SLCO1B1: variants seen among roughly 807,000 people sequenced by gnomAD.
The protein encoded by SLCO1B1 is OATP-2.
In SLCO1B1, 81 loss-of-function variants were observed where a neutral mutation model predicts 70.1. The observed-to-expected ratio is 1.16, with a 90% CI of 0.97 to 1.39. The LOEUF is 1.39. Among genes scored for constraint, SLCO1B1 ranks in the 40% most tolerant of loss-of-function variants. The pLI is 0.00. For synonymous variants in SLCO1B1, 283 were observed against 271.5 expected (o/e 1.04, Z -0.42); for missense variants, 895 against 799.6 (o/e 1.12, Z -1.44).
chr12:21,226,178 G>A (rs1941480498), intron 14 of SLCO1B1, among the ~76,000 whole-genome samples: 1 of 152,090 alleles, frequency 6.6e-6, no homozygotes, highest in Non-Finnish European at 1.5e-5. Flanking sequence ...ACTTTGGGAG[G>A]CCAAGGTGGG....
chr12:21,149,302 G>A (rs113092518), intron 2 of SLCO1B1, among the ~76,000 whole-genome samples: 2,034 of 152,140 alleles, frequency 0.013, 21 homozygotes, highest in Non-Finnish European at 0.022. Flanking sequence ...GTCTTGTGCC[G>A]GTTTTCAAAG....
intron 11 of SLCO1B1, among the ~76,000 whole-genome samples, chr12:21,214,761 C>T (rs1200468392): frequency 6.6e-6 from 1 of 152,200 alleles, no homozygotes; most frequent in African/African-American, 2.4e-5. Flanking sequence ...GATGTAATCT[C>T]GTGGTGCGCC....
chr12:21,198,274 G>C (rs992866735), intron 8 of SLCO1B1, among the ~76,000 whole-genome samples: 3 of 152,052 alleles, frequency 2.0e-5, no homozygotes, highest in African/African-American at 7.2e-5. Context: ...CATGGCAAGA[G>C]AATTACCATG....
intron 7 of SLCO1B1, among the ~76,000 whole-genome samples, chr12:21,187,776 A>G (rs554523900): frequency 5.4e-4 from 82 of 152,336 alleles, no homozygotes; most frequent in African/African-American, 1.9e-3. Flanking sequence ...TGGCCAATCA[A>G]GAAAATTATG....
intron 1 of SLCO1B1, among the ~76,000 whole-genome samples, chr12:21,136,760 T>G (rs895395006): frequency 3.9e-5 from 6 of 152,180 alleles, no homozygotes; most frequent in Non-Finnish European, 8.8e-5. Flanking sequence ...TTTTAACTTC[T>G]TTGCCATTGG....
rs780720686 is a variant in SLCO1B1, at chr12:21,200,592, A to G, written c.1055A>G (p.Tyr352Cys). The G allele has an allele frequency of 5.0e-6, 8 of 1,612,004 alleles. No individual in the cohort carries two copies. The highest frequency in any genetic ancestry group is 3.3e-4 in the Middle Eastern group (2 of 6,042). Residue 352 changes from tyrosine (Y) to cysteine (C), a missense_variant, in exon 9 of 15, where the codon TAT (tyrosine) becomes TGT (cysteine). By Grantham distance (194) the Tyr-to-Cys change is radical. Transcript: ENST00000256958. ...VLLTLLQVSS[Y>C]IGAFTYVFKY... The stretch of plus-strand genomic sequence containing the variant: ...TTGACGTTGTTACAAGTAAGCAGCT[A>G]TATTGGTGCTTTTACTTATGTCTTC...
At chr12:21,132,018 G>A (rs1940143125) in intron 1 of SLCO1B1, among the ~76,000 whole-genome samples, 1 of 152,156 alleles carries the variant, frequency 6.6e-6, no homozygotes, top group African/African-American at 2.4e-5. Flanking sequence ...CCCGGTGTGT[G>A]ATGTTCCCTT....
intron 7 of SLCO1B1, among the ~76,000 whole-genome samples, chr12:21,179,476 C>A (rs1291318298): frequency 6.6e-6 from 1 of 152,072 alleles, no homozygotes; most frequent in African/African-American, 2.4e-5. Flanking sequence ...CTGGTCCTAG[C>A]AGAGGGCTTG....
chr12:21,149,490 C>T (rs1025901394), intron 2 of SLCO1B1, among the ~76,000 whole-genome samples: 1 of 152,152 alleles, frequency 6.6e-6, no homozygotes, highest in Non-Finnish European at 1.5e-5. Context: ...TCTGCATTTC[C>T]AACTGAGGTA....
chr12:21,138,667 C>T (rs371466098), intron 1 of SLCO1B1, among the ~76,000 whole-genome samples: 23 of 152,114 alleles, frequency 1.5e-4, no homozygotes, highest in African/African-American at 5.5e-4. Context: ...AAAGTAATGA[C>T]TTCAGGTATA....
At chr12:21,217,831 A>G (rs927426524) in intron 12 of SLCO1B1, among the ~76,000 whole-genome samples, 4 of 152,190 alleles carry the variant, frequency 2.6e-5, no homozygotes, top group African/African-American at 9.6e-5. Flanking sequence ...GCTCATTAGA[A>G]AAGATACAAT....
At chr12:21,201,937 T>C (rs1427672002) in intron 9 of SLCO1B1, among the ~76,000 whole-genome samples, 3 of 152,150 alleles carry the variant, frequency 2.0e-5, no homozygotes, top group Non-Finnish European at 4.4e-5. Context: ...CTATTTGCAA[T>C]AGCAAAGACT....
chr12:21,148,716 G>C (rs1424981349), intron 2 of SLCO1B1, among the ~76,000 whole-genome samples: 1 of 58,382 alleles, frequency 1.7e-5, no homozygotes. Flanking sequence ...TTTTTTTTTT[G>C]GTTCCATATG....
chr12:21,197,802 G>A (rs551565112), intron 8 of SLCO1B1, among the ~76,000 whole-genome samples: 2 of 152,200 alleles, frequency 1.3e-5, no homozygotes, highest in East Asian at 3.9e-4. Flanking sequence ...TCAAAATAAA[G>A]TGGAAGCAAA....
chr12:21,232,741 AAGAC>A (rs1565445947), intron 14 of SLCO1B1, among the ~76,000 whole-genome samples: 1 of 107,948 alleles, frequency 9.3e-6, no homozygotes, highest in East Asian at 3.6e-4. Flanking sequence ...GAGACAGAGA[AAGAC>A]AGAGACAGAG....
chr12:21,206,153 A>G, intron 11 of SLCO1B1, 120 bp downstream of exon 11: 1 of 857,464 alleles, frequency 1.2e-6, no homozygotes. Flanking sequence ...GAAAGTTTCC[A>G]GTATTATCTG....
chr12:21,175,382 C>T (rs1003932757), intron 4 of SLCO1B1, among the ~76,000 whole-genome samples: 1 of 152,136 alleles, frequency 6.6e-6, no homozygotes, highest in Non-Finnish European at 1.5e-5. Context: ...AATATCTCTA[C>T]TGACTTTACA....
chr12:21,186,438 T>C (rs1312962423), intron 7 of SLCO1B1, among the ~76,000 whole-genome samples: 2 of 152,094 alleles, frequency 1.3e-5, no homozygotes, highest in Admixed American at 1.3e-4. Flanking sequence ...AATCTGATTG[T>C]GATTCTTGTG....
intron 2 of SLCO1B1, among the ~76,000 whole-genome samples, chr12:21,160,210 C>T (rs111770340): frequency 1.4e-4 from 22 of 151,726 alleles, no homozygotes; most frequent in African/African-American, 3.9e-4. Context: ...GACATCATGC[C>T]GTCTGATTTC....
Sources: allele counts gnomAD v4.1 joint callset (sites outside exome capture counted in the v4.1 genomes callset), GRCh38; gene constraint gnomAD v4.1.1; transcripts MANE v1.5; gene names NCBI Gene and HGNC (gene_info 2026-07-23, HGNC 2026-07-21).